The following TCF12 variants were observed in gnomAD, a reference collection of about 807,000 sequenced individuals.
The protein encoded by TCF12 is DNA-binding protein HTF4.
Under a neutral mutation model 86.0 loss-of-function variants are expected in TCF12, and 45 were observed. The ratio of observed to expected loss-of-function variants is 0.52; its 90% CI spans 0.41 to 0.67. The LOEUF (loss-of-function observed/expected upper bound fraction) is 0.67. Among genes scored for constraint, TCF12 ranks in the 30% least tolerant of loss-of-function variants. The pLI is 0.00. For synonymous variants in TCF12, 330 were observed against 299.6 expected (o/e 1.10, Z -1.05); for missense variants, 881 against 859.9 (o/e 1.02, Z -0.31).
At chr15:57,020,648 C>T (rs1038508885) in intron 3 of TCF12, among the ~76,000 whole-genome samples, 1 of 152,076 alleles carries the variant, frequency 6.6e-6, no homozygotes, top group Non-Finnish European at 1.5e-5. Context: ...TGGATAAGGT[C>T]GCTTGGGAAA....
chr15:56,940,640 T>C (rs1595770346), intron 3 of TCF12, among the ~76,000 whole-genome samples: 2 of 140,918 alleles, frequency 1.4e-5, no homozygotes, highest in African/African-American at 2.7e-5. Flanking sequence ...TCCCTCTCCT[T>C]CTCCTTCTCC....
At chr15:57,206,493 T>G (rs2733310) in intron 8 of TCF12, among the ~76,000 whole-genome samples, 106,593 of 151,772 alleles carry the variant, frequency 0.7, 38,343 homozygotes, top group East Asian at 0.82. Context: ...GTAGTTCCAG[T>G]GAAAAACAGA....
At chr15:56,949,632 C>T (rs1462503192) in intron 3 of TCF12, among the ~76,000 whole-genome samples, 1 of 152,138 alleles carries the variant, frequency 6.6e-6, no homozygotes, top group Non-Finnish European at 1.5e-5. Flanking sequence ...TTTATTTAAC[C>T]AACATTTACT....
chr15:57,042,318 G>C (rs1225091368), intron 3 of TCF12, among the ~76,000 whole-genome samples: 2 of 152,096 alleles, frequency 1.3e-5, no homozygotes, highest in African/African-American at 4.8e-5. Context: ...TTTCTTTGAA[G>C]ATAAAGGATC....
intron 4 of TCF12, among the ~76,000 whole-genome samples, chr15:57,075,800 T>TCTCTCTC (rs1567370475): frequency 2.1e-3 from 42 of 20,478 alleles, no homozygotes; most frequent in Admixed American, 5.0e-3. Flanking sequence ...CTTTCTTTCT[T>TCTCTCTC]TCTTTCTCTC....
At chr15:57,237,831 T>G (rs1181217848) in intron 12 of TCF12, among the ~76,000 whole-genome samples, 1 of 152,206 alleles carries the variant, frequency 6.6e-6, no homozygotes, top group Non-Finnish European at 1.5e-5. Context: ...TTGTTTGCGA[T>G]TTGGTAATAA....
intron 4 of TCF12, among the ~76,000 whole-genome samples, chr15:57,077,603 T>A (rs894135822): frequency 7.3e-5 from 11 of 150,432 alleles, no homozygotes; most frequent in South Asian, 2.1e-4. Context: ...ATTTGTATAT[T>A]TTTTTTTTAG....
At position 57,076,648 on chromosome 15, in the gene TCF12, AAAAAG is replaced by A. The variant is rs201380536; in HGVS notation, c.222+12834_222+12838del. On this transcript the variant is annotated intron_variant, in intron 4 of 20. Coordinates refer to ENST00000333725, the MANE Select transcript of TCF12 (RefSeq NM_207037.2). ...AGCCTGGCTCTGTCTCAAAAAAAAA[AAAAAG>A]AAAAGAAAGGAATAGAATAAACTTT... 2.1e-3 allele frequency among the ~76,000 whole-genome samples: 325 copies of A among 151,996 alleles called. 2 individuals carry two copies. The highest frequency in any genetic ancestry group is 7.2e-3 in the African/African-American group (298 of 41,410).
In TCF12 at chr15:57,197,754, T is replaced by C. The variant is rs186044257; in HGVS notation, c.527-19T>C. On this transcript the variant is annotated intron_variant, in intron 7 of 20. Coordinates refer to ENST00000333725, the MANE Select transcript of TCF12 (RefSeq NM_207037.2). ...TCTGGTATATTATGCTGAAGAAATG[T>C]ATTGTTTTCCATCTGCAGATCCCTT... 1.2e-6 allele frequency: 2 copies of C among 1,613,304 alleles called. No homozygotes were observed. Among genetic ancestry groups the C allele is most frequent in the Admixed American group, 3.3e-5 (2 of 59,862 alleles).
chr15:56,919,407 A>C (rs1452127825), intron 1 of TCF12: 1 of 152,040 alleles, frequency 6.6e-6, no homozygotes, highest in African/African-American at 2.4e-5. Context: ...GCGGCCGCAG[A>C]CGCGGGCCTG....
At chr15:57,008,636 AG>A (rs1230911745) in intron 3 of TCF12, among the ~76,000 whole-genome samples, 2 of 152,176 alleles carry the variant, frequency 1.3e-5, no homozygotes, top group African/African-American at 4.8e-5. Context: ...TTATTGTCCA[AG>A]TATTCATAAT....
chr15:57,135,284 CT>C (rs541100798), intron 5 of TCF12, among the ~76,000 whole-genome samples: 1 of 152,098 alleles, frequency 6.6e-6, no homozygotes, highest in East Asian at 1.9e-4. Context: ...GGAAAAAGAA[CT>C]TTTTTTAAAA....
chr15:56,988,239 C>A (rs565346645), intron 3 of TCF12, among the ~76,000 whole-genome samples: 1 of 152,236 alleles, frequency 6.6e-6, no homozygotes, highest in East Asian at 1.9e-4. Context: ...GTGATTTGGT[C>A]ATATGAACTT....
intron 5 of TCF12, among the ~76,000 whole-genome samples, chr15:57,152,997 C>T (rs760444431): frequency 7.2e-5 from 11 of 152,178 alleles, no homozygotes; most frequent in African/African-American, 1.2e-4. Flanking sequence ...CTACAGCAGA[C>T]TTCTCTTCAG....
chr15:57,284,288 A>T (rs1191088105), intron 20 of TCF12, among the ~76,000 whole-genome samples: 2 of 151,638 alleles, frequency 1.3e-5, no homozygotes, highest in Non-Finnish European at 2.9e-5. Flanking sequence ...GCTCACTCCA[A>T]CTCCCGCCTC....
At chr15:57,090,720 G>A (rs1235526192) in intron 4 of TCF12, among the ~76,000 whole-genome samples, 4 of 152,130 alleles carry the variant, frequency 2.6e-5, no homozygotes, top group African/African-American at 9.7e-5. Context: ...ATTCTGGGTG[G>A]TTTCAGGTTT....
chr15:57,157,126 G>C lies in TCF12; in HGVS notation c.326-9276G>C, dbSNP rs550348514. Among the ~76,000 whole-genome samples the C allele has an allele frequency of 5.9e-5, 9 of 152,220 alleles. No individual in the cohort carries two copies. In the East Asian group the frequency reaches 1.7e-3, roughly 29 times the overall value. On this transcript the variant is annotated intron_variant, in intron 5 of 20. Transcript: ENST00000333725. ...GTTTTGGAGTAAGTGGAGTAAATAGGGTTAAGGCATTGAATGATTATCTCA... is the reference window on the plus strand; with the variant it reads ...GTTTTGGAGTAAGTGGAGTAAATAGCGTTAAGGCATTGAATGATTATCTCA...
At chr15:57,148,562 A>G (rs766344451) in intron 5 of TCF12, among the ~76,000 whole-genome samples, 24 of 152,064 alleles carry the variant, frequency 1.6e-4, no homozygotes, top group Non-Finnish European at 2.5e-4. Context: ...GACAAAATAC[A>G]AGTTTACAAA....
intron 6 of TCF12, among the ~76,000 whole-genome samples, chr15:57,171,377 C>G (rs2055485856): frequency 1.3e-5 from 2 of 151,772 alleles, no homozygotes; most frequent in South Asian, 4.2e-4. Flanking sequence ...TATAATGAGT[C>G]AGAGGAGGGA....
Sources: allele counts gnomAD v4.1 joint callset (sites outside exome capture counted in the v4.1 genomes callset), GRCh38; gene constraint gnomAD v4.1.1; transcripts MANE v1.5; gene names NCBI Gene and HGNC (gene_info 2026-07-23, HGNC 2026-07-21).